Variants in PHLPP1 observed in about 807,000 individuals in gnomAD.
PHLPP1 encodes the protein PH domain leucine-rich repeat-containing protein phosphatase 1.
A neutral mutation model predicts 117.2 loss-of-function variants in PHLPP1; 42 were observed. The observed-to-expected ratio is 0.36, with a 90% CI of 0.28 to 0.46. The LOEUF is 0.46. Ranked by LOEUF, PHLPP1 falls within the 20% of genes least tolerant of loss-of-function variation. PHLPP1 has a pLI of 1.00. For synonymous variants in PHLPP1, 1,042 were observed against 970.7 expected, an observed-to-expected ratio of 1.07 and a Z score of -1.37; for missense variants, 2,084 against 2,241.9, an observed-to-expected ratio of 0.93 and a Z score of 1.42.
At chr18:62,838,454 T>G (rs1424328620) in intron 2 of PHLPP1, 5 of 185,504 alleles carry the variant, frequency 2.7e-5, no homozygotes, top group Non-Finnish European at 5.6e-5. Context: ...AGTAAAATCT[T>G]AAGTAAAAAT....
intron 1 of PHLPP1, among the ~76,000 whole-genome samples, chr18:62,818,417 C>CT (rs563857244): frequency 1.5e-3 from 225 of 152,208 alleles, no homozygotes; most frequent in African/African-American, 5.2e-3. Context: ...GTCCCAGCTA[C>CT]TTGGGAGGCT....
At chr18:62,881,068 G>A (rs911860202) in intron 4 of PHLPP1, among the ~76,000 whole-genome samples, 2 of 152,038 alleles carry the variant, frequency 1.3e-5, no homozygotes, top group Non-Finnish European at 1.5e-5. Context: ...TTGTTTGTTT[G>A]AATTATTTTA....
chr18:62,918,570 G>A (rs1173645140), intron 9 of PHLPP1, among the ~76,000 whole-genome samples: 1 of 151,984 alleles, frequency 6.6e-6, no homozygotes, highest in Non-Finnish European at 1.5e-5. Context: ...AGCTAAACCT[G>A]CCAACTCAGG....
At chr18:62,794,153 T>A (rs932597126) in intron 1 of PHLPP1, among the ~76,000 whole-genome samples, 3 of 152,198 alleles carry the variant, frequency 2.0e-5, no homozygotes, top group Non-Finnish European at 4.4e-5. Context: ...TGTATACATA[T>A]GCATACATAT....
chr18:62,899,727 C>T lies in PHLPP1; in HGVS notation c.2445-3237C>T, dbSNP rs143361953. Among the ~76,000 whole-genome samples, 26 of 152,276 alleles carry T rather than the reference C, an allele frequency of 1.7e-4. 1 individual carries two copies. Among genetic ancestry groups the T allele is most frequent in the Middle Eastern group, 3.4e-3 (1 of 294 alleles). ...AGCCCTTCTACAGGCTGGAGTGCAG[C>T]GGTACAAGCGCAGGTCATTAGAGCC... On this transcript the variant is annotated intron_variant, in intron 6 of 16. Transcript: ENST00000262719.
At chr18:62,759,239 A>C (rs1466305626) in intron 1 of PHLPP1, among the ~76,000 whole-genome samples, 2 of 152,224 alleles carry the variant, frequency 1.3e-5, no homozygotes, top group African/African-American at 4.8e-5. Context: ...GAAAAAACAC[A>C]GGTAAAAATA....
At chr18:62,895,196 G>GCC in intron 5 of PHLPP1, 39 bp downstream of exon 5, 3 of 1,596,286 alleles carry the variant, frequency 1.9e-6, no homozygotes, top group Non-Finnish European at 2.6e-6. Context: ...ATATCCAGAA[G>GCC]CCCCAGGGAA....
At position 62,766,076 on chromosome 18, in the gene PHLPP1, A is replaced by ATATACATATATATAT. The variant is rs1555670395; in HGVS notation, c.1576+48817_1576+48818insTATACATATATATAT. On this transcript the variant is annotated intron_variant, in intron 1 of 16. Coordinates refer to ENST00000262719, the MANE Select transcript of PHLPP1 (RefSeq NM_194449.4). ...ACTCCATCTCAAAAAAAAAAAAAAA[A>ATATACATATATATAT]ATATATATATATATATATATATATA... Among the ~76,000 whole-genome samples the ATATACATATATATAT allele has an allele frequency of 2.3e-4, 5 of 21,662 alleles. 1 individual carries two copies. In the East Asian group the frequency reaches 0.017, roughly 72 times the overall value. 14.2% of individuals were successfully genotyped at this position (21,662 alleles called of 152,430 possible). A position where few individuals can be genotyped will look rare whatever the true frequency, so the allele number is the denominator to read the frequency against.
Position 62,716,603 on chromosome 18 carries a change from G to T in PHLPP1, c.920G>T (p.Gly307Val), listed in dbSNP as rs1292470331. The T allele has an allele frequency of 8.5e-6, 11 of 1,300,442 alleles. No homozygotes were observed. Among genetic ancestry groups the T allele is most frequent in the Non-Finnish European group, 1.1e-5 (11 of 1,026,824 alleles). The allele number at this position is 1,300,442 out of a possible 1,614,324, so 80.6% of individuals were successfully genotyped here. Reference protein sequence around the residue: ...APPADLPLPVGGPGGWSRRAS... With the variant: ...APPADLPLPVVGPGGWSRRAS... ...CCCGCCGACCTACCCCTGCCCGTCG[G>T]CGGCCCGGGCGGGTGGTCGCGCCGC... Residue 307 changes from glycine to valine, a missense_variant, in exon 1 of 17, where the codon GGC (glycine) becomes GTC (valine). Physicochemically the swap from Gly to Val is moderately radical, Grantham distance 109 (BLOSUM62 -3). Coordinates refer to ENST00000262719, the MANE Select transcript of PHLPP1 (RefSeq NM_194449.4). The surrounding 1 kb of genome is among the most constrained non-coding windows in gnomAD (Gnocchi z 5.7).
chr18:62,799,380 G>C (rs1219913371), intron 1 of PHLPP1, among the ~76,000 whole-genome samples: 2 of 152,166 alleles, frequency 1.3e-5, no homozygotes, highest in African/African-American at 4.8e-5. Context: ...CCACTGAGAG[G>C]CTGTGATATT....
intron 8 of PHLPP1, among the ~76,000 whole-genome samples, chr18:62,905,863 G>T (rs1227454890): frequency 1.3e-5 from 2 of 152,132 alleles, no homozygotes; most frequent in African/African-American, 4.8e-5. Context: ...CTTCTGCAGT[G>T]TATTATATTT....
rs1910771567 is a variant in PHLPP1, at chr18:62,717,020, G to C, written c.1337G>C (p.Gly446Ala). 7 of 1,544,944 alleles carry C rather than the reference G, an allele frequency of 4.5e-6. No individual in the cohort carries two copies. Among genetic ancestry groups the C allele is most frequent in the Non-Finnish European group, 6.1e-6 (7 of 1,145,986 alleles). The stretch of plus-strand genomic sequence containing the variant: ...AAGGCAGCGGCAGCCGTGGCCCCGG[G>C]AGGCCTCCAGTCTACCCCCGGGAGG... ...EEKAAAAVAPGGLQSTPGRSG... is the reference protein window; with the variant it reads ...EEKAAAAVAPAGLQSTPGRSG... Residue 446 changes from glycine to alanine, a missense_variant, in exon 1 of 17, where the codon GGA becomes GCA. This residue lies in a region of PHLPP1 where 719 missense variants were observed against 636.0 expected (regional missense o/e 1.13). Transcript: ENST00000262719.
At chr18:62,915,128 G>T (rs1909228794) in intron 9 of PHLPP1, 120 bp downstream of exon 9, 4 of 690,054 alleles carry the variant, frequency 5.8e-6, no homozygotes, top group Non-Finnish European at 9.8e-6. Context: ...AACTAATATG[G>T]TGTCTTTTAC....
At chr18:62,756,604 T>C (rs769023724) in intron 1 of PHLPP1, among the ~76,000 whole-genome samples, 11 of 152,174 alleles carry the variant, frequency 7.2e-5, no homozygotes, top group Non-Finnish European at 1.3e-4. Context: ...CAGGCTTCGC[T>C]CTTGGCCATA....
chr18:62,956,394 C>A (rs1910610910), intron 12 of PHLPP1, among the ~76,000 whole-genome samples: 1 of 152,154 alleles, frequency 6.6e-6, no homozygotes, highest in Admixed American at 6.5e-5. Context: ...GCCCTTATGA[C>A]CTCATCTGTT....
chr18:62,823,305 C>CT (rs1914519315), intron 1 of PHLPP1, among the ~76,000 whole-genome samples: 1 of 152,078 alleles, frequency 6.6e-6, no homozygotes, highest in Non-Finnish European at 1.5e-5. Context: ...GCGACTCAGG[C>CT]TTATAATCCT....
At chr18:62,894,206 T>C (rs1916495821) in intron 4 of PHLPP1, among the ~76,000 whole-genome samples, 1 of 152,174 alleles carries the variant, frequency 6.6e-6, no homozygotes, top group Non-Finnish European at 1.5e-5. Flanking sequence ...GATAATTGGT[T>C]CTTTTTTGAG....
intron 8 of PHLPP1, among the ~76,000 whole-genome samples, chr18:62,905,690 T>C (rs1177526062): frequency 2.0e-5 from 3 of 152,238 alleles, no homozygotes; most frequent in African/African-American, 7.2e-5. Context: ...AGTGCTTTAT[T>C]TCTTTGGATT....
intron 1 of PHLPP1, among the ~76,000 whole-genome samples, chr18:62,820,568 A>G (rs1247908077): frequency 6.6e-6 from 1 of 152,196 alleles, no homozygotes; most frequent in East Asian, 1.9e-4. Context: ...AGTTCTCATG[A>G]GACCTGATGG....
Sources: allele counts gnomAD v4.1 joint callset (sites outside exome capture counted in the v4.1 genomes callset), GRCh38; gene constraint gnomAD v4.1.1; regional missense constraint gnomAD v4.1.1; non-coding constraint Gnocchi (gnomAD v3.1); transcripts MANE v1.5; gene names NCBI Gene and HGNC (gene_info 2026-07-23, HGNC 2026-07-21).